GFRA1: variants seen among roughly 807,000 people sequenced by gnomAD.
The protein encoded by GFRA1 is GDNF family receptor alpha-1.
Under a neutral mutation model 51.6 loss-of-function variants are expected in GFRA1, and 16 were observed. That is an observed-to-expected ratio of 0.31 (90% CI 0.21 to 0.47). The LOEUF (loss-of-function observed/expected upper bound fraction) is 0.47. Ranked by LOEUF, GFRA1 falls within the 20% of genes least tolerant of loss-of-function variation. GFRA1 has a pLI of 1.00. For synonymous variants in GFRA1, 270 were observed against 241.3 expected (o/e 1.12, Z -1.10); for missense variants, 530 against 594.3 (o/e 0.89, Z 1.13).
chr10:116,261,111 G>T (rs1429034811), intron 4 of GFRA1, among the ~76,000 whole-genome samples: 1 of 152,110 alleles, frequency 6.6e-6, no homozygotes, highest in South Asian at 2.1e-4. Context: ...CATGCTAAAA[G>T]AAACAAAGAA....
intron 9 of GFRA1, among the ~76,000 whole-genome samples, chr10:116,088,815 G>A (rs1956207082): frequency 6.6e-6 from 1 of 151,542 alleles, no homozygotes; most frequent in African/African-American, 2.4e-5. Context: ...CAGCTACGCG[G>A]GAGGCTAAGG....
chr10:116,162,141 C>T (rs1474912645), intron 5 of GFRA1, among the ~76,000 whole-genome samples: 2 of 152,186 alleles, frequency 1.3e-5, no homozygotes, highest in African/African-American at 2.4e-5. Context: ...GTTTCATCAG[C>T]TCTCCCAGAA....
chr10:116,200,805 C>T (rs1318512292), intron 5 of GFRA1, among the ~76,000 whole-genome samples: 1 of 152,186 alleles, frequency 6.6e-6, no homozygotes, highest in Non-Finnish European at 1.5e-5. Context: ...CTAATGCACA[C>T]ATTGGGGTTA....
intron 6 of GFRA1, among the ~76,000 whole-genome samples, chr10:116,107,257 A>G (rs1014631202): frequency 2.6e-5 from 4 of 152,128 alleles, no homozygotes; most frequent in African/African-American, 9.7e-5. Context: ...GAGGAACAGT[A>G]CCTCATCACA....
At chr10:116,096,992 C>T (rs1002329579) in intron 6 of GFRA1, among the ~76,000 whole-genome samples, 1 of 152,118 alleles carries the variant, frequency 6.6e-6, no homozygotes, top group African/African-American at 2.4e-5. Context: ...CAGCCCTCGC[C>T]CACCTGTGTG....
At chr10:116,201,732 C>G (rs1452841483) in intron 5 of GFRA1, among the ~76,000 whole-genome samples, 1 of 152,122 alleles carries the variant, frequency 6.6e-6, no homozygotes, top group Non-Finnish European at 1.5e-5. Flanking sequence ...TCTGCTAAGT[C>G]CCCTGGGGTC....
At chr10:116,198,851 G>A (rs977415260) in intron 5 of GFRA1, among the ~76,000 whole-genome samples, 1 of 152,130 alleles carries the variant, frequency 6.6e-6, no homozygotes, top group African/African-American at 2.4e-5. Context: ...ACCTTATTTG[G>A]AAATAGGGTT....
chr10:116,230,715 GACAC>G (rs5788144), intron 4 of GFRA1, among the ~76,000 whole-genome samples: 108,899 of 150,458 alleles, frequency 0.72, 39,367 homozygotes, highest in East Asian at 0.83. Flanking sequence ...CATGTGGACA[GACAC>G]ACACACACAC....
intron 9 of GFRA1, among the ~76,000 whole-genome samples, chr10:116,087,770 C>A (rs902918712): frequency 3.9e-5 from 6 of 152,136 alleles, no homozygotes; most frequent in African/African-American, 1.4e-4. Flanking sequence ...GTGCAGAGCA[C>A]CCGCTGGAGA....
At chr10:116,190,509 A>T in intron 5 of GFRA1, among the ~76,000 whole-genome samples, 1 of 152,176 alleles carries the variant, frequency 6.6e-6, no homozygotes, top group East Asian at 1.9e-4. Flanking sequence ...AGGCCCAGAA[A>T]CTAAAGGTCC....
Position 116,071,745 on chromosome 10 carries a change from T to C in GFRA1, c.1198-6119A>G, listed in dbSNP as rs56144251. ...GCCCATAGGTGGTCAATTGGGAAAT[T>C]AAATTAAAGGGCAAAATCACTTAGA... On this transcript the variant is annotated intron_variant, in intron 9 of 10. Transcript: ENST00000355422. Among the ~76,000 whole-genome samples the C allele has an allele frequency of 3.8e-3, 583 of 152,356 alleles. 7 individuals are homozygous for C. Among genetic ancestry groups the C allele is most frequent in the African/African-American group, 0.013 (561 of 41,590 alleles).
chr10:116,113,123 C>G (rs961536588), intron 6 of GFRA1, among the ~76,000 whole-genome samples: 1 of 151,946 alleles, frequency 6.6e-6, no homozygotes, highest in Non-Finnish European at 1.5e-5. Context: ...TCTCTCCCAG[C>G]CACCTTCCAG....
intron 7 of GFRA1, among the ~76,000 whole-genome samples, chr10:116,095,744 G>C (rs955736110): frequency 6.6e-6 from 1 of 152,170 alleles, no homozygotes; most frequent in Non-Finnish European, 1.5e-5. Context: ...GTCATTCTCC[G>C]GGAGAGGTTC....
At chr10:116,220,807 C>T (rs543172557) in intron 4 of GFRA1, among the ~76,000 whole-genome samples, 67 of 152,236 alleles carry the variant, frequency 4.4e-4, no homozygotes, top group Non-Finnish European at 8.1e-4. Context: ...TTCAAAGGAG[C>T]GATTGACAAG....
At chr10:116,140,840 A>C (rs1328725371) in intron 5 of GFRA1, among the ~76,000 whole-genome samples, 1 of 152,238 alleles carries the variant, frequency 6.6e-6, no homozygotes, top group East Asian at 1.9e-4. Flanking sequence ...TTCTAAGGAA[A>C]GGAATCACAA....
intron 7 of GFRA1, among the ~76,000 whole-genome samples, chr10:116,094,975 A>C (rs1307696918): frequency 1.3e-5 from 2 of 152,190 alleles, no homozygotes; most frequent in African/African-American, 4.8e-5. Context: ...GAAGTTGGGG[A>C]GGAGATCCAG....
Position 116,064,494 on chromosome 10 carries a change from T to G in GFRA1, c.1302A>C (p.Lys434Asn), listed in dbSNP as rs1314334253. The G allele has an allele frequency of 6.2e-7, 1 of 1,613,324 alleles. No individual in the cohort carries two copies. Among genetic ancestry groups the G allele is most frequent in the Non-Finnish European group, 8.5e-7 (1 of 1,179,542 alleles). Reference protein sequence around the residue: ...GLGASSHITTKSMAAPPSCGL... With the variant: ...GLGASSHITTNSMAAPPSCGL... ...CACAGCTTGGAGGAGCAGCCATTGA[T>G]TTTGTGGTTATGTGGCTGGAAGCAC... Residue 434 changes from lysine to asparagine, a missense_variant, in exon 11 of 11, where the codon AAA becomes AAC. Coordinates refer to ENST00000355422, the MANE Select transcript of GFRA1 (RefSeq NM_005264.8).
chr10:116,093,494 C>T (rs180680750), intron 8 of GFRA1, among the ~76,000 whole-genome samples: 5 of 152,238 alleles, frequency 3.3e-5, no homozygotes, highest in Admixed American at 3.3e-4. Context: ...TGCTGCATTA[C>T]ACGGGGTGGC....
chr10:116,238,647 T>C (rs1195654787), intron 4 of GFRA1, among the ~76,000 whole-genome samples: 1 of 152,236 alleles, frequency 6.6e-6, no homozygotes, highest in African/African-American at 2.4e-5. Flanking sequence ...TAATTGGTTG[T>C]AATCCGCTCA....
Sources: gnomAD v4.1 joint callset for allele counts (sites outside exome capture counted in the v4.1 genomes callset) on GRCh38, gnomAD v4.1.1 for gene constraint, MANE v1.5 for transcripts, NCBI Gene and HGNC (gene_info 2026-07-23, HGNC 2026-07-21) for gene names.